Variants in ZNF536 observed in about 807,000 individuals in gnomAD.
ZNF536 encodes zinc finger protein 536.
Under a neutral mutation model 84.5 loss-of-function variants are expected in ZNF536, and 13 were observed. That is an observed-to-expected ratio of 0.15 (90% CI 0.10 to 0.24). ZNF536 has a LOEUF of 0.24. Among genes scored for constraint, ZNF536 ranks in the 10% least tolerant of loss-of-function variants. The probability of loss-of-function intolerance (pLI) is 1.00; values close to 1 mark genes in which losing one functional copy is unlikely to be tolerated. For missense variants in ZNF536, 1,536 were observed against 1,747.5 expected (o/e 0.88, Z 2.16); for synonymous variants, 811 against 742.5 (o/e 1.09, Z -1.50).
At chr19:30,604,770 A>T (rs1253397035) in intron 1 of ZNF536, among the ~76,000 whole-genome samples, 1 of 152,220 alleles carries the variant, frequency 6.6e-6, no homozygotes, top group East Asian at 1.9e-4. Flanking sequence ...TATTTTTCAC[A>T]TGAAGAACGG....
intron 1 of ZNF536, among the ~76,000 whole-genome samples, chr19:30,414,507 A>C (rs1180675413): frequency 6.6e-6 from 1 of 152,086 alleles, no homozygotes; most frequent in Non-Finnish European, 1.5e-5. Flanking sequence ...AAAAGTGTAC[A>C]CCTGGGGTTT....
chr19:30,450,128 A>G (rs917945266), intron 2 of ZNF536, among the ~76,000 whole-genome samples: 1 of 144,446 alleles, frequency 6.9e-6, no homozygotes, highest in Non-Finnish European at 1.5e-5. Context: ...AATATTTGGC[A>G]ATGTCAATTA....
At chr19:30,290,295 G>GGGACA (rs2045792285) in intron 2 of ZNF536, among the ~76,000 whole-genome samples, 1 of 151,896 alleles carries the variant, frequency 6.6e-6, no homozygotes, top group Non-Finnish European at 1.5e-5. Context: ...CTTTTATTTT[G>GGGACA]GGACAGGATC....
intron 1 of ZNF536, among the ~76,000 whole-genome samples, chr19:30,377,716 A>G (rs1053195476): frequency 1.3e-5 from 2 of 152,176 alleles, no homozygotes; most frequent in Non-Finnish European, 2.9e-5. Flanking sequence ...AAAATTAGGA[A>G]TGCCTTTGTT....
At position 30,445,431 on chromosome 19, in the gene ZNF536, T is replaced by C; in HGVS notation, c.1869T>C (p.Pro623=). 1 of 1,614,112 alleles carries C rather than the reference T, an allele frequency of 6.2e-7. No homozygotes were observed. The highest frequency in any genetic ancestry group is 8.5e-7 in the Non-Finnish European group (1 of 1,180,018). The change falls in exon 2 of 5, where the codon CCT becomes CCC. Residue 623 remains proline (P), a synonymous_variant. Transcript: ENST00000355537. This position sits in a 1 kb window ranked among gnomAD's most constrained non-coding sequence, Gnocchi z 4.5. Reference sequence around the variant, plus strand: ...CTCTCGAGTATAACCTGCAGGGTCCTGGGAACATGAAGGAGAAGCCCACCG... The same window carrying C: ...CTCTCGAGTATAACCTGCAGGGTCCCGGGAACATGAAGGAGAAGCCCACCG... ...NQTLEYNLQG[P]GNMKEKPTEC...
chr19:30,525,475 G>A (rs1324711875), intron 2 of ZNF536, among the ~76,000 whole-genome samples: 1 of 152,210 alleles, frequency 6.6e-6, no homozygotes, highest in Non-Finnish European at 1.5e-5. Context: ...AGCTGAGGAC[G>A]TCTCGCATGC....
intron 1 of ZNF536, among the ~76,000 whole-genome samples, chr19:30,385,971 A>G (rs2049325354): frequency 6.6e-6 from 1 of 152,178 alleles, no homozygotes; most frequent in African/African-American, 2.4e-5. Context: ...ATCAGGGATC[A>G]TGTGGCAATG....
intron 2 of ZNF536, among the ~76,000 whole-genome samples, chr19:30,508,932 A>G (rs539991724): frequency 2.7e-5 from 4 of 148,008 alleles, no homozygotes; most frequent in Admixed American, 1.4e-4. Context: ...GGCTCAAGCA[A>G]TCCTCCCACC....
intron 1 of ZNF536, among the ~76,000 whole-genome samples, chr19:30,644,458 T>C (rs1197958862): frequency 6.6e-6 from 1 of 152,148 alleles, no homozygotes; most frequent in Non-Finnish European, 1.5e-5. Context: ...GCTGGTGTGC[T>C]GCACCCAGTA....
Position 30,502,348 on chromosome 19 carries a change from G to GT in ZNF536, c.2171-32491dup, listed in dbSNP as rs201103400. Among the ~76,000 whole-genome samples, 557 of 152,058 alleles carry GT rather than the reference G, an allele frequency of 3.7e-3. 2 individuals are homozygous for GT. Among genetic ancestry groups the GT allele is most frequent in the African/African-American group, 0.013 (524 of 41,460 alleles). On this transcript the variant is annotated intron_variant, in intron 2 of 4. Coordinates refer to ENST00000355537, the MANE Select transcript of ZNF536 (RefSeq NM_014717.3). ...CTGGCTGGCAGTGTGGGTGGGAATG[G>GT]TTTTTTTTAGCTAGCTAGCACCAGG...
At chr19:30,332,188 C>T (rs2047232310) in intron 2 of ZNF536, among the ~76,000 whole-genome samples, 2 of 152,184 alleles carry the variant, frequency 1.3e-5, no homozygotes, top group South Asian at 4.1e-4. Flanking sequence ...CCTCTTTGCC[C>T]CCCGGCCTCA....
At chr19:30,253,173 G>C (rs982406617) in intron 1 of ZNF536, among the ~76,000 whole-genome samples, 2 of 152,184 alleles carry the variant, frequency 1.3e-5, no homozygotes, top group African/African-American at 4.8e-5. Context: ...TGTGGAGAGG[G>C]ATCCTAGCTG....
intron 1 of ZNF536, among the ~76,000 whole-genome samples, chr19:30,685,030 C>T (rs768538280): frequency 2.0e-5 from 3 of 152,178 alleles, no homozygotes; most frequent in Non-Finnish European, 4.4e-5. Context: ...ATACCTCTGC[C>T]CTCTGATTAG....
chr19:30,382,832 G>A (rs747167209), intron 1 of ZNF536, among the ~76,000 whole-genome samples: 9 of 152,116 alleles, frequency 5.9e-5, no homozygotes, highest in Non-Finnish European at 8.8e-5. Flanking sequence ...GCACACAGGT[G>A]TTAACTGTGT....
At chr19:30,386,347 GTC>G (rs1387662592) in intron 1 of ZNF536, among the ~76,000 whole-genome samples, 1 of 152,144 alleles carries the variant, frequency 6.6e-6, no homozygotes, top group Non-Finnish European at 1.5e-5. Flanking sequence ...TCTCTCTACA[GTC>G]TCTCTTTATG....
chr19:30,425,629 T>A (rs963859135), intron 1 of ZNF536, among the ~76,000 whole-genome samples: 1 of 152,092 alleles, frequency 6.6e-6, no homozygotes, highest in Non-Finnish European at 1.5e-5. Flanking sequence ...CAGCTCCAGA[T>A]CTTACTGAGA....
intron 2 of ZNF536, among the ~76,000 whole-genome samples, chr19:30,312,293 G>T (rs1439699649): frequency 1.3e-5 from 2 of 152,064 alleles, no homozygotes; most frequent in Non-Finnish European, 1.5e-5. Flanking sequence ...ATGAACAGAG[G>T]GGGCGGGGAT....
intron 3 of ZNF536, among the ~76,000 whole-genome samples, chr19:30,363,029 A>G (rs906124259): frequency 6.6e-6 from 1 of 152,054 alleles, no homozygotes; most frequent in African/African-American, 2.4e-5. Flanking sequence ...ACTGCACTCC[A>G]GCCTGGGCAA....
chr19:30,243,787 C>G (rs891720179), intron 1 of ZNF536, among the ~76,000 whole-genome samples: 1 of 152,192 alleles, frequency 6.6e-6, no homozygotes, highest in African/African-American at 2.4e-5. Context: ...TACTCTCATT[C>G]CAATGCATTT....
Sources: allele counts gnomAD v4.1 joint callset (sites outside exome capture counted in the v4.1 genomes callset), GRCh38; gene constraint gnomAD v4.1.1; non-coding constraint Gnocchi (gnomAD v3.1); transcripts MANE v1.5; gene names NCBI Gene and HGNC (gene_info 2026-07-23, HGNC 2026-07-21).